Variants in CELA2A observed in about 807,000 individuals in gnomAD.
CELA2A encodes the protein chymotrypsin-like elastase family member 2A.
In CELA2A, 31 loss-of-function variants were observed where a neutral mutation model predicts 35.3. That is an observed-to-expected ratio of 0.88 (90% CI 0.66 to 1.19). CELA2A has a LOEUF of 1.19. Among genes scored for constraint, CELA2A ranks in the 50% most tolerant of loss-of-function variants. The pLI, the probability that CELA2A is intolerant of heterozygous loss-of-function variation, is 0.00. For synonymous variants in CELA2A, 150 were observed against 149.8 expected, an observed-to-expected ratio of 1.00 and a Z score of -0.01; for missense variants, 330 against 352.9, an observed-to-expected ratio of 0.94 and a Z score of 0.52.
intron 1 of CELA2A, 41 bp downstream of exon 1, chr1:15,456,834 G>T: frequency 1.9e-6 from 3 of 1,613,444 alleles, no homozygotes; most frequent in Non-Finnish European, 2.5e-6. Context: ...CCCATGCCCT[G>T]GTGGGGCTGG....
chr1:15,464,768 A>C (rs1415128179), intron 5 of CELA2A, among the ~76,000 whole-genome samples: 2 of 152,158 alleles, frequency 1.3e-5, no homozygotes, highest in African/African-American at 2.4e-5. Flanking sequence ...ATTTCATCTG[A>C]GACAGTGAGA....
intron 2 of CELA2A, 106 bp downstream of exon 2, chr1:15,457,280 A>T: frequency 9.0e-7 from 1 of 1,105,602 alleles, no homozygotes; most frequent in Non-Finnish European, 1.4e-6. Context: ...GTGAGTATTG[A>T]TGGGACTCAG....
intron 5 of CELA2A, 89 bp from the exon 6 acceptor site, chr1:15,465,910 A>C: frequency 6.8e-7 from 1 of 1,476,386 alleles, no homozygotes; most frequent in South Asian, 1.2e-5. Flanking sequence ...GATGGAAGAC[A>C]GGAACAGGGG....
intron 2 of CELA2A, among the ~76,000 whole-genome samples, chr1:15,460,005 T>G (rs988562234): frequency 5.3e-5 from 8 of 152,088 alleles, no homozygotes; most frequent in African/African-American, 1.7e-4. Context: ...ATGAATGATA[T>G]TTTAATGCAA....
chr1:15,471,955 A>T, intron 7 of CELA2A, 35 bp from the exon 8 acceptor site: 1 of 1,614,000 alleles, frequency 6.2e-7, no homozygotes. Context: ...CTCTGCGGTT[A>T]GGTGAACCTG....
chr1:15,471,175 A>G (rs4661630), intron 7 of CELA2A, among the ~76,000 whole-genome samples: 70,761 of 152,104 alleles, frequency 0.47, 19,971 homozygotes, highest in East Asian at 0.69. Context: ...TAATTCTTGC[A>G]CACTGGTCTG....
chr1:15,467,319 G>C (rs976588659), intron 6 of CELA2A, 67 bp from the exon 7 acceptor site: 2 of 1,519,266 alleles, frequency 1.3e-6, no homozygotes, highest in Non-Finnish European at 1.8e-6. Context: ...AATGCATTGA[G>C]AACAATGGTT....
chr1:15,457,167 C>A lies in CELA2A; in HGVS notation c.122C>A (p.Pro41His). 1 of 1,614,118 alleles carries A rather than the reference C, an allele frequency of 6.2e-7. No individual in the cohort carries two copies. The highest frequency in any genetic ancestry group is 8.5e-7 in the Non-Finnish European group (1 of 1,179,982). Reference protein sequence around the residue: ...GGEEARPNSWPWQVSLQYSSN... With the variant: ...GGEEARPNSWHWQVSLQYSSN... ...GAAGAAGCGAGGCCCAACAGCTGGC[C>A]CTGGCAGGTGAGTTGACCACACTGT... Residue 41 changes from proline (P) to histidine (H), a missense_variant, in exon 2 of 8, where the codon CCC becomes CAC. By Grantham distance (77) the Pro-to-His change is moderately conservative. Transcript: ENST00000359621.
chr1:15,467,036 C>G (rs1321844263), intron 6 of CELA2A, among the ~76,000 whole-genome samples: 1 of 152,188 alleles, frequency 6.6e-6, no homozygotes, highest in African/African-American at 2.4e-5. Flanking sequence ...TGGGATGTGG[C>G]CTCAGCTCCT....
At chr1:15,467,086 C>T (rs1708527690) in intron 6 of CELA2A, among the ~76,000 whole-genome samples, 1 of 152,234 alleles carries the variant, frequency 6.6e-6, no homozygotes, top group African/African-American at 2.4e-5. Context: ...GTCCCAACCT[C>T]TCAACACTCC....
intron 3 of CELA2A, chr1:15,461,862 C>G: frequency 1.4e-6 from 1 of 722,086 alleles, no homozygotes; most frequent in East Asian, 2.7e-5. Flanking sequence ...GTGTCTGTGC[C>G]AGGCAGGCAC....
rs1036630039 is a variant in CELA2A at position 15,457,182 on chromosome 1, G to T, written c.129+8G>T. ...AACAGCTGGCCCTGGCAGGTGAGTT[G>T]ACCACACTGTACTTCTCCCCGTCCC... On this transcript the variant is annotated splice_region_variant and intron_variant, in intron 2 of 7. Transcript: ENST00000359621. The T allele has an allele frequency of 1.2e-6, 2 of 1,613,488 alleles. No individual in the cohort carries two copies. Among genetic ancestry groups the T allele is most frequent in the Non-Finnish European group, 1.7e-6 (2 of 1,179,580 alleles).
In CELA2A at chr1:15,462,783, C is replaced by A; in HGVS notation, c.278C>A (p.Ala93Glu). The change falls in exon 4 of 8, where the codon GCG (alanine) becomes GAG (glutamate). Residue 93 changes from alanine to glutamate, a missense_variant. Physicochemically the swap from Ala to Glu is moderately radical, Grantham distance 107 (BLOSUM62 -1). Transcript: ENST00000359621. ...CTGGGCCGGCACAACCTCTACGTTG[C>A]GGAGTCCGGCTCGCTGGCAGTCAGT... ...VGLGRHNLYV[A>E]ESGSLAVSVS... 6 of 1,614,068 alleles carry A rather than the reference C, an allele frequency of 3.7e-6. No individual in the cohort carries two copies. The highest frequency in any genetic ancestry group is 5.1e-6 in the Non-Finnish European group (6 of 1,179,992).
intron 7 of CELA2A, among the ~76,000 whole-genome samples, chr1:15,468,053 T>C (rs1483809819): frequency 1.4e-5 from 2 of 138,668 alleles, no homozygotes; most frequent in Admixed American, 8.0e-5. Context: ...AATTGCACCA[T>C]TGCACTCCAG....
intron 2 of CELA2A, among the ~76,000 whole-genome samples, chr1:15,460,657 T>C (rs1478052473): frequency 6.6e-6 from 1 of 152,086 alleles, no homozygotes; most frequent in Non-Finnish European, 1.5e-5. Flanking sequence ...AGTTCTTTTT[T>C]TTTTTTTTTA....
intron 7 of CELA2A, among the ~76,000 whole-genome samples, chr1:15,468,776 T>C (rs1708554826): frequency 6.6e-6 from 1 of 150,416 alleles, no homozygotes; most frequent in Non-Finnish European, 1.5e-5. Context: ...CTGGGCGACA[T>C]AGCAAGACCC....
Position 15,462,865 on chromosome 1 carries a change from C to T in CELA2A, c.356+4C>T, listed in dbSNP as rs756230930. The T allele has an allele frequency of 5.0e-6, 8 of 1,614,060 alleles. No homozygotes were observed. The highest frequency in any genetic ancestry group is 1.7e-5 in the Admixed American group (1 of 60,014). On this transcript the variant is annotated splice_donor_region_variant and intron_variant, in intron 4 of 7. Transcript: ENST00000359621. ...ACTCCAACCAAATCTCCAAAGGGTT[C>T]GTTTCTGTCTGGGTGCACTTGGGGG...
chr1:15,464,144 G>A (rs11579489), intron 5 of CELA2A, among the ~76,000 whole-genome samples: 12,864 of 152,244 alleles, frequency 0.084, 685 homozygotes, highest in African/African-American at 0.14. Context: ...TGGGGTAGGT[G>A]CTGTGTTAGT....
At chr1:15,456,860 G>A (rs1708367768) in intron 1 of CELA2A, 67 bp downstream of exon 1, 1 of 1,604,940 alleles carries the variant, frequency 6.2e-7, no homozygotes, top group Non-Finnish European at 8.5e-7. Flanking sequence ...GGATCTTCCT[G>A]TCCTCCCCTC....
Sources: gnomAD v4.1 joint callset for allele counts (sites outside exome capture counted in the v4.1 genomes callset) on GRCh38, gnomAD v4.1.1 for gene constraint, MANE v1.5 for transcripts, NCBI Gene and HGNC (gene_info 2026-07-23, HGNC 2026-07-21) for gene names.